The following MAP3K5 variants were observed in gnomAD, a reference collection of about 807,000 sequenced individuals.
The protein encoded by MAP3K5 is mitogen-activated protein kinase kinase kinase 5.
A neutral mutation model predicts 158.7 loss-of-function variants in MAP3K5; 56 were observed. That is an observed-to-expected ratio of 0.35 (90% CI 0.28 to 0.44). The LOEUF is 0.44. Among genes scored for constraint, MAP3K5 ranks in the 20% least tolerant of loss-of-function variants. MAP3K5 has a pLI of 1.00. For missense variants in MAP3K5, 1,294 were observed against 1,674.8 expected (o/e 0.77, Z 3.97); for synonymous variants, 579 against 601.7 (o/e 0.96, Z 0.55).
At chr6:136,580,642 T>C (rs921253213) in intron 24 of MAP3K5, among the ~76,000 whole-genome samples, 1 of 152,148 alleles carries the variant, frequency 6.6e-6, no homozygotes, top group Non-Finnish European at 1.5e-5. Flanking sequence ...CTGGTTCAAA[T>C]GAGAATGTTG....
chr6:136,718,587 G>A (rs1210255311), intron 2 of MAP3K5, among the ~76,000 whole-genome samples: 7 of 152,162 alleles, frequency 4.6e-5, no homozygotes, highest in Non-Finnish European at 8.8e-5. Context: ...CAAGATAAAT[G>A]AGCACAGTTT....
Position 136,582,127 on chromosome 6 carries a change from G to A in MAP3K5, c.3411+1428C>T, listed in dbSNP as rs112081192. Reference sequence around the variant, plus strand: ...TTCTTATTAGGTGGAAGAGGGATCTGTTATAACCATAACCTGCTCCTCTCA... The same window carrying A: ...TTCTTATTAGGTGGAAGAGGGATCTATTATAACCATAACCTGCTCCTCTCA... On this transcript the variant is annotated intron_variant, in intron 24 of 29. Transcript: ENST00000359015. Among the ~76,000 whole-genome samples the A allele has an allele frequency of 4.6e-3, 703 of 152,214 alleles. 7 individuals carry two copies. The highest frequency in any genetic ancestry group is 0.04 in the East Asian group (205 of 5,184).
intron 14 of MAP3K5, 45 bp from the exon 15 acceptor site, chr6:136,623,026 T>C (rs1489079848): frequency 6.9e-6 from 11 of 1,589,662 alleles, no homozygotes; most frequent in Non-Finnish European, 9.5e-6. Context: ...CATTAGTTCA[T>C]TCTACATTTC....
chr6:136,649,570 G>A (rs1778427044), intron 11 of MAP3K5, among the ~76,000 whole-genome samples: 1 of 152,184 alleles, frequency 6.6e-6, no homozygotes, highest in Non-Finnish European at 1.5e-5. Context: ...GGGTATTGCA[G>A]ATAATTCTGA....
At chr6:136,711,648 C>T (rs1041434420) in intron 2 of MAP3K5, among the ~76,000 whole-genome samples, 1 of 143,954 alleles carries the variant, frequency 6.9e-6, no homozygotes, top group Non-Finnish European at 1.5e-5. Context: ...GCTGGGTGGA[C>T]AAAGTCAGAC....
At chr6:136,560,207 G>A (rs577868631) in intron 28 of MAP3K5, among the ~76,000 whole-genome samples, 14 of 152,126 alleles carry the variant, frequency 9.2e-5, no homozygotes, top group African/African-American at 1.4e-4. Flanking sequence ...GGGGCTGGGC[G>A]CAGTGGCTCA....
intron 11 of MAP3K5, among the ~76,000 whole-genome samples, chr6:136,646,085 T>C (rs913253216): frequency 1.3e-5 from 2 of 152,128 alleles, no homozygotes; most frequent in Non-Finnish European, 2.9e-5. Context: ...ATTGAGAAAA[T>C]GGTAGTGATA....
At chr6:136,596,165 T>G (rs1407585269) in intron 21 of MAP3K5, among the ~76,000 whole-genome samples, 3 of 151,762 alleles carry the variant, frequency 2.0e-5, no homozygotes, top group African/African-American at 7.3e-5. Flanking sequence ...AATGCCAATA[T>G]TTAGAGGAAA....
At chr6:136,635,775 T>C (rs1452866574) in intron 14 of MAP3K5, among the ~76,000 whole-genome samples, 3 of 146,586 alleles carry the variant, frequency 2.0e-5, no homozygotes, top group Non-Finnish European at 4.5e-5. Flanking sequence ...GGTGGCATGC[T>C]CTGGCTGAAG....
chr6:136,673,712 A>AG (rs1779580539), intron 7 of MAP3K5, among the ~76,000 whole-genome samples: 1 of 106,864 alleles, frequency 9.4e-6, no homozygotes, highest in East Asian at 2.6e-4. Flanking sequence ...GAGATATAGA[A>AG]AAAAAAAAAA....
rs1562504423 is a variant in MAP3K5, at chr6:136,558,882, G to C, written c.3988-6C>G. The C allele has an allele frequency of 6.7e-7, 1 of 1,491,258 alleles. No individual in the cohort carries two copies. The highest frequency in any genetic ancestry group is 1.2e-5 in the South Asian group (1 of 86,932). The allele number at this position is 1,491,258 out of a possible 1,614,324, so 92.4% of individuals were successfully genotyped here. On this transcript the variant is annotated splice_polypyrimidine_tract_variant and splice_region_variant and intron_variant, in intron 28 of 29. Coordinates refer to ENST00000359015, the MANE Select transcript of MAP3K5 (RefSeq NM_005923.4). ...GTATAATCTTCAGCCAAAAACTGTA[G>C]AGAAAGTAGAATATGCACAAAAGAT...
chr6:136,765,491 ATTTG>A (rs1783924082), intron 1 of MAP3K5, among the ~76,000 whole-genome samples: 1 of 150,906 alleles, frequency 6.6e-6, no homozygotes, highest in East Asian at 1.9e-4. Context: ...TTTATTTTTT[ATTTG>A]TTTATTTTTA....
chr6:136,709,112 A>G (rs17710372), intron 2 of MAP3K5, among the ~76,000 whole-genome samples: 2 of 151,906 alleles, frequency 1.3e-5, no homozygotes, highest in Non-Finnish European at 1.5e-5. Context: ...TACATTGCAC[A>G]TTTTTGTTCC....
At chr6:136,692,071 C>CTTTTTTTTTT (rs201011698) in intron 7 of MAP3K5, among the ~76,000 whole-genome samples, 2 of 149,546 alleles carry the variant, frequency 1.3e-5, no homozygotes, top group African/African-American at 5.0e-5. Context: ...TCTTTTTTTT[C>CTTTTTTTTTT]TTTTTTTCTT....
At chr6:136,632,808 T>C (rs1278995223) in intron 14 of MAP3K5, among the ~76,000 whole-genome samples, 3 of 152,120 alleles carry the variant, frequency 2.0e-5, no homozygotes, top group South Asian at 2.1e-4. Flanking sequence ...AGAAGAACAA[T>C]GGAGACCAAG....
In MAP3K5 at chr6:136,684,195, C is replaced by T. The variant is rs546159351; in HGVS notation, c.1253+9945G>A. Among the ~76,000 whole-genome samples the T allele has an allele frequency of 1.6e-4, 24 of 151,184 alleles. 1 individual carries two copies. In the South Asian group the frequency reaches 3.4e-3, roughly 21 times the overall value. On this transcript the variant is annotated intron_variant, in intron 7 of 29. Coordinates refer to ENST00000359015, the MANE Select transcript of MAP3K5 (RefSeq NM_005923.4). ...GCAGCGAGCTGTGATCTGCACTGGG[C>T]GACAGAATGAGACCCTATCTCAATT...
chr6:136,558,340 C>T (rs1830345481), intron 29 of MAP3K5, among the ~76,000 whole-genome samples: 1 of 151,212 alleles, frequency 6.6e-6, no homozygotes, highest in Non-Finnish European at 1.5e-5. Context: ...GATCACGCCA[C>T]TGCACTCCAG....
intron 9 of MAP3K5, among the ~76,000 whole-genome samples, chr6:136,658,114 C>T (rs553090907): frequency 6.6e-6 from 1 of 152,110 alleles, no homozygotes; most frequent in South Asian, 2.1e-4. Flanking sequence ...GCCATGAGGG[C>T]CTAACATGGT....
chr6:136,622,422 T>A (rs2129096163), intron 15 of MAP3K5, among the ~76,000 whole-genome samples: 1 of 152,294 alleles, frequency 6.6e-6, no homozygotes, highest in African/African-American at 2.4e-5. Flanking sequence ...CCCTTGCAAC[T>A]TCACGGACGA....
Sources: gnomAD v4.1 joint callset for allele counts (sites outside exome capture counted in the v4.1 genomes callset) on GRCh38, gnomAD v4.1.1 for gene constraint, MANE v1.5 for transcripts, NCBI Gene and HGNC (gene_info 2026-07-23, HGNC 2026-07-21) for gene names.